The following OPRK1 variants were observed in gnomAD, a reference collection of about 807,000 sequenced individuals.
The protein encoded by OPRK1 is opioid receptor kappa 1.
OPRK1 carries 15 observed loss-of-function variants against 24.5 expected under a neutral mutation model. That is an observed-to-expected ratio of 0.61 (90% CI 0.41 to 0.94). OPRK1 has a LOEUF of 0.94. OPRK1 is among the 40% of genes least tolerant of loss of function. The pLI is 0.00. For missense variants in OPRK1, 479 were observed against 507.3 expected, an observed-to-expected ratio of 0.94 and a Z score of 0.54; for synonymous variants, 205 against 198.0, an observed-to-expected ratio of 1.04 and a Z score of -0.30.
At chr8:53,231,357 G>A (rs2128807910) in intron 3 of OPRK1, among the ~76,000 whole-genome samples, 1 of 152,220 alleles carries the variant, frequency 6.6e-6, no homozygotes, top group East Asian at 1.9e-4. Flanking sequence ...TGTTGAATCT[G>A]GTAGAAGAGT....
At chr8:53,230,185 C>T (rs866177416) in intron 3 of OPRK1, among the ~76,000 whole-genome samples, 7 of 151,720 alleles carry the variant, frequency 4.6e-5, no homozygotes, top group African/African-American at 1.5e-4. Context: ...ATTTCTATTT[C>T]CATTCATTAA....
chr8:53,250,471 C>G (rs1807348066), intron 2 of OPRK1, among the ~76,000 whole-genome samples: 1 of 152,200 alleles, frequency 6.6e-6, no homozygotes, highest in Non-Finnish European at 1.5e-5. Flanking sequence ...CACCCTGGCA[C>G]CTTGCCCTGC....
chr8:53,226,938 G>T lies in OPRK1; in HGVS notation c.*2359C>A, dbSNP rs546062417. The stretch of plus-strand genomic sequence containing the variant: ...AGGCAAACCAATAATGGCAATTAAC[G>T]CTGTAAGAGCACGTGAAGTGCTAAC... On this transcript the variant is annotated 3_prime_UTR_variant, in exon 4 of 4. Coordinates refer to ENST00000265572, the MANE Select transcript of OPRK1 (RefSeq NM_000912.5). 1 of 152,184 alleles carries T rather than the reference G, an allele frequency of 6.6e-6. No individual in the cohort carries two copies. The highest frequency in any genetic ancestry group is 1.5e-5 in the Non-Finnish European group (1 of 68,064). The allele number at this position is 152,184 out of a possible 1,614,324, so 9.4% of individuals were successfully genotyped here.
At chr8:53,235,995 G>A (rs773216814) in intron 2 of OPRK1, among the ~76,000 whole-genome samples, 4 of 152,274 alleles carry the variant, frequency 2.6e-5, no homozygotes, top group Non-Finnish European at 5.9e-5. Flanking sequence ...TTAAATAAAT[G>A]TTCCAAACCA....
chr8:53,229,546 A>G lies in OPRK1; in HGVS notation c.894T>C (p.Ala298=). The change falls in exon 4 of 4, where the codon GCT becomes GCC. Residue 298 remains alanine (A), a synonymous_variant. Transcript: ENST00000265572. ...CTGTGCTGTGGGAGGTGCTCCCCAG[A>G]GCCTCCACCAGGATGAATATGTGAA... ...TPIHIFILVE[A]LGSTSHSTAA... The G allele has an allele frequency of 6.2e-6, 10 of 1,614,214 alleles. No homozygotes were observed. The highest frequency in any genetic ancestry group is 8.5e-6 in the Non-Finnish European group (10 of 1,180,044).
intron 2 of OPRK1, among the ~76,000 whole-genome samples, chr8:53,237,043 T>G (rs1807012497): frequency 6.6e-6 from 1 of 152,174 alleles, no homozygotes; most frequent in African/African-American, 2.4e-5. Context: ...AACTATAATA[T>G]TTATCTCATA....
intron 2 of OPRK1, among the ~76,000 whole-genome samples, chr8:53,240,769 G>A (rs2128809431): frequency 6.6e-6 from 1 of 152,090 alleles, no homozygotes; most frequent in African/African-American, 2.4e-5. Context: ...TACAGCAGGG[G>A]GCTAGCATCA....
Position 53,234,690 on chromosome 8 carries a change from C to T in OPRK1, c.610+69G>A, listed in dbSNP as rs150583289. ...TTCCACTAAATATGTGGCCTACTCA[C>T]GCTCAAATTAAAAGTCTATGTAATT... On this transcript the variant is annotated intron_variant, in intron 3 of 3. Transcript: ENST00000265572. 1.1e-3 allele frequency: 1,489 copies of T among 1,356,148 alleles called. 1 individual carries two copies. The highest frequency in any genetic ancestry group is 1.3e-3 in the Non-Finnish European group (1,291 of 970,210). The allele number at this position is 1,356,148 out of a possible 1,614,324, so 84.0% of individuals were successfully genotyped here.
chr8:53,245,212 G>T (rs1360410648), intron 2 of OPRK1, among the ~76,000 whole-genome samples: 1 of 152,200 alleles, frequency 6.6e-6, no homozygotes, highest in Non-Finnish European at 1.5e-5. Flanking sequence ...GACTGCATTT[G>T]GAGACAGGAG....
intron 1 of OPRK1, 175 bp downstream of exon 1, chr8:53,251,273 C>A (rs1807393088): frequency 6.7e-6 from 4 of 598,950 alleles, no homozygotes; most frequent in African/African-American, 2.0e-5. Context: ...CAGAGAGGGG[C>A]GAAGAGCGCT....
Position 53,235,038 on chromosome 8 carries a change from T to C in OPRK1, c.331A>G (p.Thr111Ala). ...LALADALVTT[T>A]MPFQSTVYLM... Reference sequence around the variant, plus strand: ...TAGACCGTACTCTGAAAGGGCATGGTTGTAGTAACTAAAGCATCTGCCAAA... The same window carrying C: ...TAGACCGTACTCTGAAAGGGCATGGCTGTAGTAACTAAAGCATCTGCCAAA... Residue 111 changes from threonine to alanine, a missense_variant, in exon 3 of 4, where the codon ACC becomes GCC. Coordinates refer to ENST00000265572, the MANE Select transcript of OPRK1 (RefSeq NM_000912.5). 6.2e-7 allele frequency: 1 copy of C among 1,614,222 alleles called. No homozygotes were observed. The highest frequency in any genetic ancestry group is 8.5e-7 in the Non-Finnish European group (1 of 1,180,040).
chr8:53,239,345 G>C (rs894984834), intron 2 of OPRK1, among the ~76,000 whole-genome samples: 5 of 152,244 alleles, frequency 3.3e-5, no homozygotes, highest in Non-Finnish European at 7.3e-5. Flanking sequence ...AAAGATTGCT[G>C]TGTAGTGAGG....
intron 2 of OPRK1, chr8:53,238,786 C>T (rs922678718): frequency 1.4e-5 from 12 of 879,844 alleles, no homozygotes; most frequent in Non-Finnish European, 1.4e-5. Context: ...ACTCACCATG[C>T]TAGAAAGGTG....
chr8:53,250,824 C>G lies in OPRK1; in HGVS notation c.214G>C (p.Val72Leu), dbSNP rs151052532. The G allele has an allele frequency of 7.4e-6, 12 of 1,611,208 alleles. No individual in the cohort carries two copies. The highest frequency in any genetic ancestry group is 1.1e-5 in the South Asian group (1 of 90,746). ...ACCAGCGAGTTGCCCACCAAGCCCA[C>G]GACGAACACTACGGAGTAGACCGCC... Reference protein sequence around the residue: ...ITAVYSVVFVVGLVGNSLVMF... With the variant: ...ITAVYSVVFVLGLVGNSLVMF... Residue 72 changes from valine (V) to leucine (L), a missense_variant, in exon 2 of 4, where the codon GTG becomes CTG. Physicochemically the swap from Val to Leu is conservative, Grantham distance 32 (BLOSUM62 1). Coordinates refer to ENST00000265572, the MANE Select transcript of OPRK1 (RefSeq NM_000912.5).
intron 1 of OPRK1, 124 bp downstream of exon 1, chr8:53,251,324 A>G (rs1807394341): frequency 4.2e-6 from 2 of 481,920 alleles, no homozygotes; most frequent in Admixed American, 4.2e-5. Flanking sequence ...TCCCTCACCA[A>G]TTCTAGGCAC....
intron 2 of OPRK1, among the ~76,000 whole-genome samples, chr8:53,245,938 G>C (rs1807217128): frequency 6.6e-6 from 1 of 152,170 alleles, no homozygotes; most frequent in African/African-American, 2.4e-5. Context: ...GCAGCAGCTT[G>C]TCTCTCCTGA....
chr8:53,243,533 C>T (rs573962223), intron 2 of OPRK1, among the ~76,000 whole-genome samples: 146 of 151,924 alleles, frequency 9.6e-4, no homozygotes, highest in African/African-American at 3.5e-3. Flanking sequence ...TGCTCTCTTT[C>T]TCTCTCTCTC....
chr8:53,235,311 T>A (rs1049003697), intron 2 of OPRK1, among the ~76,000 whole-genome samples, 200 bp from the exon 3 acceptor site: 1 of 152,242 alleles, frequency 6.6e-6, no homozygotes, highest in Non-Finnish European at 1.5e-5. Flanking sequence ...TTATTGTTTA[T>A]TCTAGTGCTT....
At chr8:53,238,585 A>T in intron 2 of OPRK1, 2 of 985,520 alleles carry the variant, frequency 2.0e-6, no homozygotes, top group South Asian at 4.7e-5. Flanking sequence ...AGGGTGTTCC[A>T]GAGACTTAGA....
Sources: allele counts gnomAD v4.1 joint callset (sites outside exome capture counted in the v4.1 genomes callset), GRCh38; gene constraint gnomAD v4.1.1; transcripts MANE v1.5; gene names NCBI Gene and HGNC (gene_info 2026-07-23, HGNC 2026-07-21).